Variants in GALNTL6 observed in about 807,000 individuals in gnomAD.
The protein encoded by GALNTL6 is polypeptide N-acetylgalactosaminyltransferase-like 6.
A neutral mutation model predicts 73.7 loss-of-function variants in GALNTL6; 46 were observed. That is an observed-to-expected ratio of 0.62 (90% confidence interval 0.49 to 0.80). GALNTL6 has a LOEUF of 0.80. Ranked by LOEUF, GALNTL6 falls within the 30% of genes least tolerant of loss-of-function variation. The probability of loss-of-function intolerance (pLI) is 0.00; values close to 1 mark genes in which losing one functional copy is unlikely to be tolerated. For synonymous variants in GALNTL6, 259 were observed against 263.7 expected (o/e 0.98, Z 0.17); for missense variants, 604 against 755.0 (o/e 0.80, Z 2.34).
intron 5 of GALNTL6, among the ~76,000 whole-genome samples, chr4:172,674,023 T>A (rs1732139677): frequency 6.6e-6 from 1 of 152,202 alleles, no homozygotes; most frequent in Non-Finnish European, 1.5e-5. Flanking sequence ...TAGCTGGTTA[T>A]TTTGCAGTCT....
chr4:172,311,186 A>G (rs1463508678), intron 3 of GALNTL6, among the ~76,000 whole-genome samples: 1 of 152,168 alleles, frequency 6.6e-6, no homozygotes, highest in Non-Finnish European at 1.5e-5. Context: ...AAAGATGTTC[A>G]TTGTAATGGA....
chr4:171,954,035 A>G (rs1267668465), intron 2 of GALNTL6, among the ~76,000 whole-genome samples: 2 of 152,214 alleles, frequency 1.3e-5, no homozygotes, highest in Non-Finnish European at 2.9e-5. Context: ...CTTATGGACC[A>G]GAAAATCTAC....
chr4:172,982,746 A>G (rs1268144921), intron 10 of GALNTL6, among the ~76,000 whole-genome samples: 7 of 152,316 alleles, frequency 4.6e-5, no homozygotes, highest in Non-Finnish European at 7.3e-5. Context: ...AAAAGATAAG[A>G]TATTTTTAGA....
At chr4:172,282,426 CT>C (rs1337291334) in intron 3 of GALNTL6, among the ~76,000 whole-genome samples, 1 of 152,090 alleles carries the variant, frequency 6.6e-6, no homozygotes, top group Non-Finnish European at 1.5e-5. Context: ...GCTACAAGCA[CT>C]TTGGAAAACA....
intron 5 of GALNTL6, among the ~76,000 whole-genome samples, chr4:172,685,155 T>C (rs1375315004): frequency 1.3e-5 from 2 of 152,118 alleles, no homozygotes; most frequent in African/African-American, 4.8e-5. Flanking sequence ...AGGAGAGAAA[T>C]GTAGAAGGGC....
chr4:172,224,809 G>A (rs1223406400), intron 2 of GALNTL6, among the ~76,000 whole-genome samples: 1 of 152,056 alleles, frequency 6.6e-6, no homozygotes, highest in Non-Finnish European at 1.5e-5. Flanking sequence ...TTTACCTCTG[G>A]TAAATACATT....
chr4:171,894,778 C>A (rs1432605216), intron 2 of GALNTL6, among the ~76,000 whole-genome samples: 1 of 152,104 alleles, frequency 6.6e-6, no homozygotes, highest in East Asian at 1.9e-4. Flanking sequence ...ATTGTCACAC[C>A]ATGAGCTGAA....
intron 2 of GALNTL6, among the ~76,000 whole-genome samples, chr4:171,893,098 C>T (rs112848343): frequency 0.016 from 2,448 of 152,134 alleles, 59 homozygotes; most frequent in African/African-American, 0.051. Flanking sequence ...GGATAATGTG[C>T]GGTTTATTGA....
At chr4:172,359,149 A>G (rs1291791321) in intron 5 of GALNTL6, among the ~76,000 whole-genome samples, 2 of 152,210 alleles carry the variant, frequency 1.3e-5, no homozygotes, top group East Asian at 3.9e-4. Flanking sequence ...CATCAATGGC[A>G]GACTGGATAA....
At chr4:173,031,758 G>A (rs1753470647) in intron 12 of GALNTL6, among the ~76,000 whole-genome samples, 1 of 152,150 alleles carries the variant, frequency 6.6e-6, no homozygotes, top group Non-Finnish European at 1.5e-5. Context: ...AAAGAGATAT[G>A]GATAGACGGA....
At chr4:172,219,111 A>T (rs2110943577) in intron 2 of GALNTL6, among the ~76,000 whole-genome samples, 1 of 128,550 alleles carries the variant, frequency 7.8e-6, no homozygotes, top group African/African-American at 3.0e-5. Context: ...AGGCAGATAA[A>T]TATATGTTAA....
chr4:172,480,068 T>C (rs981767061), intron 5 of GALNTL6, among the ~76,000 whole-genome samples: 1 of 152,206 alleles, frequency 6.6e-6, no homozygotes, highest in South Asian at 2.1e-4. Flanking sequence ...CTAATGCCTA[T>C]AACCTTGGGT....
chr4:172,227,425 G>A (rs1414732726), intron 2 of GALNTL6, among the ~76,000 whole-genome samples: 2 of 152,118 alleles, frequency 1.3e-5, no homozygotes, highest in African/African-American at 2.4e-5. Context: ...TACCATTGAC[G>A]CTCCAGTCTT....
At chr4:172,116,543 T>C (rs77159954) in intron 2 of GALNTL6, among the ~76,000 whole-genome samples, 2,390 of 152,286 alleles carry the variant, frequency 0.016, 60 homozygotes, top group African/African-American at 0.051. Context: ...GTGCTGGGAT[T>C]ACAGGCATAG....
intron 5 of GALNTL6, among the ~76,000 whole-genome samples, chr4:172,498,371 A>C (rs80148280): frequency 0.017 from 2,544 of 152,264 alleles, 65 homozygotes; most frequent in African/African-American, 0.058. Context: ...TGGCCTCCAA[A>C]TATATTTACA....
At position 172,756,638 on chromosome 4, in the gene GALNTL6, T is replaced by TAA. The variant is rs766208245; in HGVS notation, c.554-52711_554-52710dup. Among the ~76,000 whole-genome samples the TAA allele has an allele frequency of 1.8e-3, 250 of 139,320 alleles. 1 individual carries two copies. Among genetic ancestry groups the TAA allele is most frequent in the African/African-American group, 6.4e-3 (243 of 37,912 alleles). The allele number at this position is 139,320 out of a possible 152,430, so 91.4% of individuals were successfully genotyped here. ...CTACAGCCCGGCAACAGCGTGTGAC[T>TAA]AAAAAAAAAAAAAGAAAGCAGATGT... On this transcript the variant is annotated intron_variant, in intron 5 of 12. Coordinates refer to ENST00000506823, the MANE Select transcript of GALNTL6 (RefSeq NM_001034845.3).
chr4:172,197,653 A>G (rs932936367), intron 2 of GALNTL6, among the ~76,000 whole-genome samples: 2 of 152,206 alleles, frequency 1.3e-5, no homozygotes, highest in African/African-American at 4.8e-5. Flanking sequence ...CACACATCTA[A>G]TCTTCTACAA....
chr4:172,422,904 T>G (rs1264669541), intron 5 of GALNTL6, among the ~76,000 whole-genome samples: 1 of 151,072 alleles, frequency 6.6e-6, no homozygotes, highest in African/African-American at 2.4e-5. Context: ...AAGTGTAGGA[T>G]GTACAATAGA....
intron 5 of GALNTL6, among the ~76,000 whole-genome samples, chr4:172,763,807 TGAA>T (rs1738248931): frequency 6.6e-6 from 1 of 152,234 alleles, no homozygotes; most frequent in South Asian, 2.1e-4. Flanking sequence ...AGAATAAAAA[TGAA>T]GACCTAAGAA....
Sources: gnomAD v4.1 joint callset for allele counts (sites outside exome capture counted in the v4.1 genomes callset) on GRCh38, gnomAD v4.1.1 for gene constraint, MANE v1.5 for transcripts, NCBI Gene and HGNC (gene_info 2026-07-23, HGNC 2026-07-21) for gene names.